Variants in NTRK3 observed in about 807,000 individuals in gnomAD.
NTRK3 encodes neurotrophic receptor tyrosine kinase 3.
NTRK3 carries 24 observed loss-of-function variants against 91.7 expected under a neutral mutation model. The ratio of observed to expected loss-of-function variants is 0.26; its 90% CI spans 0.19 to 0.37. The LOEUF (loss-of-function observed/expected upper bound fraction) is 0.37. Among genes scored for constraint, NTRK3 ranks in the 10% least tolerant of loss-of-function variants. The pLI is 1.00. For missense variants in NTRK3, 880 were observed against 1,068.9 expected (o/e 0.82, Z 2.46); for synonymous variants, 483 against 404.0 (o/e 1.20, Z -2.34).
At chr15:88,204,641 G>A (rs186994409) in intron 3 of NTRK3, among the ~76,000 whole-genome samples, 24 of 152,220 alleles carry the variant, frequency 1.6e-4, no homozygotes, top group African/African-American at 5.5e-4. Context: ...TTGCACCCTA[G>A]GAGGTGTTAA....
chr15:88,232,295 G>T (rs1008190494), intron 3 of NTRK3, among the ~76,000 whole-genome samples: 1 of 126,344 alleles, frequency 7.9e-6, no homozygotes, highest in African/African-American at 3.1e-5. Flanking sequence ...CTCTTCTATC[G>T]CCACCTCACT....
intron 10 of NTRK3, among the ~76,000 whole-genome samples, chr15:88,132,343 T>G (rs2041438652): frequency 6.6e-6 from 1 of 152,238 alleles, no homozygotes; most frequent in African/African-American, 2.4e-5. Flanking sequence ...ATAACTTCCT[T>G]TAAGTCTCAT....
At chr15:88,136,356 G>A (rs1453423226) in intron 8 of NTRK3, 111 bp downstream of exon 8, 5 of 1,360,972 alleles carry the variant, frequency 3.7e-6, no homozygotes, top group Admixed American at 1.7e-5. Context: ...TGTAACCCAA[G>A]TCTATGTGTT....
chr15:88,024,398 T>C (rs937364384), intron 14 of NTRK3, among the ~76,000 whole-genome samples: 4 of 152,202 alleles, frequency 2.6e-5, no homozygotes, highest in African/African-American at 9.7e-5. Context: ...TTGTCTGCTC[T>C]ATCCCCAGGG....
At chr15:88,224,774 T>C (rs1205952087) in intron 3 of NTRK3, among the ~76,000 whole-genome samples, 1 of 152,200 alleles carries the variant, frequency 6.6e-6, no homozygotes, top group Non-Finnish European at 1.5e-5. Context: ...AGCCTGCTGC[T>C]GACCTTGAGG....
intron 15 of NTRK3, among the ~76,000 whole-genome samples, chr15:87,939,213 C>T (rs1402880767): frequency 1.3e-5 from 2 of 152,108 alleles, no homozygotes; most frequent in African/African-American, 4.8e-5. Flanking sequence ...GTAATATCAA[C>T]ATCAATGACA....
At chr15:87,861,030 TA>T (rs1251928584) in exon 19 of NTRK3, 2 of 225,376 alleles carry the variant, frequency 8.9e-6, no homozygotes, top group African/African-American at 4.5e-5. Context: ...CCAAAATCTG[TA>T]AAATTAGCTT....
chr15:88,145,252 G>T (rs538926507), intron 6 of NTRK3, among the ~76,000 whole-genome samples: 3 of 152,118 alleles, frequency 2.0e-5, no homozygotes, highest in African/African-American at 7.2e-5. Context: ...GCCAACACGC[G>T]GCCCCTCCAG....
intron 3 of NTRK3, among the ~76,000 whole-genome samples, chr15:88,246,597 C>A (rs1488458733): frequency 1.3e-5 from 2 of 152,194 alleles, no homozygotes; most frequent in Non-Finnish European, 2.9e-5. Context: ...TCCTGGGCTA[C>A]CTTCCATGCA....
chr15:88,004,809 C>T (rs1047807508), intron 14 of NTRK3, among the ~76,000 whole-genome samples: 6 of 152,106 alleles, frequency 3.9e-5, no homozygotes, highest in Non-Finnish European at 7.3e-5. Flanking sequence ...GGATCAGAAT[C>T]GTAGCACTAG....
intron 10 of NTRK3, among the ~76,000 whole-genome samples, chr15:88,131,456 G>T (rs1160856929): frequency 1.3e-5 from 2 of 152,140 alleles, no homozygotes; most frequent in African/African-American, 4.8e-5. Context: ...TTTGGGGGAT[G>T]GTCACAGAAC....
intron 13 of NTRK3, among the ~76,000 whole-genome samples, chr15:88,117,734 G>T (rs1440952716): frequency 6.6e-6 from 1 of 152,246 alleles, no homozygotes; most frequent in Non-Finnish European, 1.5e-5. Context: ...TGGTAACAGA[G>T]TTCATCCAAG....
exon 19 of NTRK3, chr15:87,876,699 A>C: frequency 4.5e-6 from 1 of 221,278 alleles, no homozygotes; most frequent in Admixed American, 5.9e-5. Context: ...ATAGATTGAT[A>C]GATAGTTAGA....
chr15:88,079,435 A>G (rs1267706827), intron 13 of NTRK3, among the ~76,000 whole-genome samples: 1 of 152,160 alleles, frequency 6.6e-6, no homozygotes, highest in Non-Finnish European at 1.5e-5. Flanking sequence ...ACAAGTACAG[A>G]GAGGAATTGG....
At chr15:88,056,207 T>C (rs866219970) in intron 13 of NTRK3, among the ~76,000 whole-genome samples, 1 of 28,560 alleles carries the variant, frequency 3.5e-5, no homozygotes, top group Non-Finnish European at 1.2e-4. Flanking sequence ...TATATATTTT[T>C]TTTTTAATGT....
rs535430287 is a variant in NTRK3, at chr15:88,107,495, A to G, written c.1396+18776T>C. The stretch of plus-strand genomic sequence containing the variant: ...AAAGGCATGTCCCTTCCTAGGCTCA[A>G]TGCACAGTTTCAAGAGCTTCTGTTG... On this transcript the variant is annotated intron_variant, in intron 13 of 18. Coordinates refer to ENST00000394480, the Ensembl canonical transcript of NTRK3. Among the ~76,000 whole-genome samples, 11 of 152,270 alleles carry G rather than the reference A, an allele frequency of 7.2e-5. No homozygotes were observed. The South Asian group carries it at 2.3e-3, about 32-fold the overall frequency.
At chr15:87,946,927 G>C (rs1355469061) in intron 14 of NTRK3, among the ~76,000 whole-genome samples, 4 of 138,468 alleles carry the variant, frequency 2.9e-5, no homozygotes, top group Non-Finnish European at 6.1e-5. Flanking sequence ...TATCGCCCAG[G>C]CTGGAGTGCA....
chr15:87,972,688 A>G (rs1032067731), intron 14 of NTRK3, among the ~76,000 whole-genome samples: 7 of 152,110 alleles, frequency 4.6e-5, no homozygotes, highest in African/African-American at 1.7e-4. Context: ...AAATACCATG[A>G]TCCTGAGAAA....
At chr15:88,046,821 T>C (rs1196939138) in intron 13 of NTRK3, among the ~76,000 whole-genome samples, 1 of 152,194 alleles carries the variant, frequency 6.6e-6, no homozygotes, top group East Asian at 1.9e-4. Flanking sequence ...AAGCATTTCA[T>C]TCGAACAGCG....
Sources: gnomAD v4.1 joint callset for allele counts (sites outside exome capture counted in the v4.1 genomes callset) on GRCh38, gnomAD v4.1.1 for gene constraint, MANE v1.5 for transcripts, NCBI Gene and HGNC (gene_info 2026-07-23, HGNC 2026-07-21) for gene names.